The following ATP10A variants were observed in gnomAD, a reference collection of about 807,000 sequenced individuals.
ATP10A encodes the protein phospholipid-transporting ATPase VA.
ATP10A carries 111 observed loss-of-function variants against 147.8 expected under a neutral mutation model. That is an observed-to-expected ratio of 0.75 (90% CI 0.64 to 0.88). The LOEUF is 0.88. ATP10A is among the 40% of genes least tolerant of loss of function. ATP10A has a pLI of 0.00. For missense variants in ATP10A, 1,927 were observed against 1,959.0 expected, an observed-to-expected ratio of 0.98 and a Z score of 0.31; for synonymous variants, 875 against 841.6, an observed-to-expected ratio of 1.04 and a Z score of -0.69.
At chr15:25,720,415 C>T (rs537013227) in intron 7 of ATP10A, among the ~76,000 whole-genome samples, 2 of 152,154 alleles carry the variant, frequency 1.3e-5, no homozygotes, top group African/African-American at 2.4e-5. Context: ...ACCTATTCCT[C>T]GTGTCTATCT....
At chr15:25,791,970 G>GT (rs1443402434) in intron 1 of ATP10A, among the ~76,000 whole-genome samples, 1 of 151,924 alleles carries the variant, frequency 6.6e-6, no homozygotes, top group Non-Finnish European at 1.5e-5. Context: ...TTGCTTGTTT[G>GT]TTTTTTGTGG....
At chr15:25,777,274 G>A (rs1288124139) in intron 2 of ATP10A, among the ~76,000 whole-genome samples, 2 of 152,100 alleles carry the variant, frequency 1.3e-5, no homozygotes, top group African/African-American at 2.4e-5. Flanking sequence ...CCTCTCAAAG[G>A]TGGGGCTCCA....
At chr15:25,704,787 G>T (rs1596717910) in intron 12 of ATP10A, among the ~76,000 whole-genome samples, 2 of 152,204 alleles carry the variant, frequency 1.3e-5, no homozygotes, top group East Asian at 3.8e-4. Flanking sequence ...GCTTTCCAAG[G>T]TACTTGTTTG....
At chr15:25,715,931 C>A in intron 9 of ATP10A, among the ~76,000 whole-genome samples, 1 of 152,174 alleles carries the variant, frequency 6.6e-6, no homozygotes. Context: ...CGCTTCCGTG[C>A]CCCCTACACT....
In ATP10A at chr15:25,683,480, C is replaced by T. The variant is rs1459837419; in HGVS notation, c.3298G>A (p.Val1100Met). 9.9e-6 allele frequency: 16 copies of T among 1,612,094 alleles called. No individual in the cohort carries two copies. Among genetic ancestry groups the T allele is most frequent in the South Asian group, 2.2e-5 (2 of 90,754 alleles). ...AACTGGAACCAAAACAGGAGGCCCA[C>T]GAACATCTGAAATCAAGAAAGGAAG... ...LYFFYKNTMF[V>M]GLLFWFQFFC... The change falls in exon 17 of 21, where the codon GTG (valine) becomes ATG (methionine). Residue 1100 changes from valine (V) to methionine (M), a missense_variant. By Grantham distance (21) the Val-to-Met change is conservative (BLOSUM62 1). Coordinates refer to ENST00000555815, the MANE Select transcript of ATP10A (RefSeq NM_024490.4).
chr15:25,705,439 GCAAAAAAAAAAAAA>G (rs747424348), intron 12 of ATP10A, among the ~76,000 whole-genome samples: 1 of 22,418 alleles, frequency 4.5e-5, no homozygotes, highest in Admixed American at 6.9e-4. Flanking sequence ...CTGTCTCAAA[GCAAAAAAAAAAAAA>G]CAAAAAAAAA....
At chr15:25,798,994 A>C (rs113541452) in intron 1 of ATP10A, among the ~76,000 whole-genome samples, 89 of 152,254 alleles carry the variant, frequency 5.8e-4, no homozygotes, top group African/African-American at 2.1e-3. Flanking sequence ...TTTAAAAAAC[A>C]AACCATAAGG....
chr15:25,838,728 G>A (rs1892687808), intron 1 of ATP10A, among the ~76,000 whole-genome samples: 1 of 152,328 alleles, frequency 6.6e-6, no homozygotes, highest in Middle Eastern at 3.4e-3. Context: ...GGCGCTTGAT[G>A]ATAATATCGC....
In ATP10A at chr15:25,691,764, A is replaced by G; in HGVS notation, c.3116T>C (p.Ile1039Thr). The G allele has an allele frequency of 6.2e-7, 1 of 1,614,184 alleles. No homozygotes were observed. The highest frequency in any genetic ancestry group is 8.5e-7 in the Non-Finnish European group (1 of 1,180,030). Reference sequence around the variant, plus strand: ...TCCCACACCCACATCTGCCACCTGGATCATGCTGACATCATTGGCTCCATC... The same window carrying G: ...TCCCACACCCACATCTGCCACCTGGGTCATGCTGACATCATTGGCTCCATC... ...IGDGANDVSM[I>T]QVADVGVGIS... Residue 1039 changes from isoleucine to threonine, a missense_variant, in exon 15 of 21, where the codon ATC becomes ACC. Ile to Thr is a moderately conservative substitution (Grantham distance 89, BLOSUM62 -1). Transcript: ENST00000555815.
chr15:25,737,440 T>C (rs1435446374), intron 2 of ATP10A, among the ~76,000 whole-genome samples: 1 of 152,196 alleles, frequency 6.6e-6, no homozygotes, highest in Non-Finnish European at 1.5e-5. Context: ...TCTTTCTCTC[T>C]AAGAAAAATG....
Position 25,691,723 on chromosome 15 carries a change from C to T in ATP10A, c.3157G>A (p.Gly1053Ser). The change falls in exon 15 of 21, where the codon GGT (glycine) becomes AGT (serine). Residue 1053 changes from glycine (G) to serine (S), a missense_variant. Gly to Ser is a moderately conservative substitution (Grantham distance 56, BLOSUM62 0). Transcript: ENST00000555815. Reference sequence around the variant, plus strand: ...GCCTGATTGGTCTTTACCTGCATACCCTCCTGGCCGGAGATTCCCACACCC... The same window carrying T: ...GCCTGATTGGTCTTTACCTGCATACTCTCCTGGCCGGAGATTCCCACACCC... ...DVGVGISGQE[G>S]MQAVMASDFA... 1 of 1,614,156 alleles carries T rather than the reference C, an allele frequency of 6.2e-7. No homozygotes were observed. The highest frequency in any genetic ancestry group is 1.6e-4 in the Middle Eastern group (1 of 6,062).
chr15:25,759,630 T>C (rs1888644821), intron 2 of ATP10A, among the ~76,000 whole-genome samples: 1 of 151,856 alleles, frequency 6.6e-6, no homozygotes, highest in Non-Finnish European at 1.5e-5. Flanking sequence ...ATATGGTGAG[T>C]TCCTATGTCT....
At chr15:25,864,667 G>C (rs1408912266), upstream of ATP10A, among the ~76,000 whole-genome samples, 1 of 152,206 alleles carries the variant, frequency 6.6e-6, no homozygotes, top group Non-Finnish European at 1.5e-5. Flanking sequence ...TTGACATGTA[G>C]AGGCCCAGAT....
At chr15:25,705,454 C>CAAAAAAAAAA (rs367718474) in intron 12 of ATP10A, among the ~76,000 whole-genome samples, 1 of 82,000 alleles carries the variant, frequency 1.2e-5, no homozygotes. Context: ...AAAAAAAAAA[C>CAAAAAAAAAA]AAAAAAAAAA....
intron 2 of ATP10A, among the ~76,000 whole-genome samples, chr15:25,737,791 G>A (rs1887369272): frequency 6.6e-6 from 1 of 152,142 alleles, no homozygotes; most frequent in African/African-American, 2.4e-5. Context: ...GGTCATCAGG[G>A]TGGACCCTAA....
intron 11 of ATP10A, 36 bp downstream of exon 11, chr15:25,708,161 C>T (rs1329695342): frequency 6.2e-7 from 1 of 1,613,708 alleles, no homozygotes; most frequent in Non-Finnish European, 8.5e-7. Context: ...GGGCGGCCAC[C>T]TGCACGTGCA....
In ATP10A at chr15:25,687,659, G is replaced by A. The variant is rs765827524; in HGVS notation, c.3291+44C>T. The A allele has an allele frequency of 1.8e-5, 24 of 1,350,378 alleles. No homozygotes were observed. The African/African-American group carries it at 2.8e-4, about 16-fold the overall frequency. 83.6% of individuals were successfully genotyped at this position (1,350,378 alleles called of 1,614,324 possible). ...CATTCAGGCGATGGTCCTAAGAACC[G>A]AACCTTCCAATCCCAAAACTCTAGA... On this transcript the variant is annotated intron_variant, in intron 16 of 20. Coordinates refer to ENST00000555815, the MANE Select transcript of ATP10A (RefSeq NM_024490.4).
At chr15:25,693,356 G>A (rs1029808718) in intron 14 of ATP10A, among the ~76,000 whole-genome samples, 1 of 152,090 alleles carries the variant, frequency 6.6e-6, no homozygotes, top group African/African-American at 2.4e-5. Flanking sequence ...TTACTTTCCC[G>A]TTTTCTTTTG....
rs893390112 is a variant in ATP10A, at chr15:25,725,975, A to C, written c.955T>G (p.Cys319Gly). 1 of 1,613,802 alleles carries C rather than the reference A, an allele frequency of 6.2e-7. No homozygotes were observed. Among genetic ancestry groups the C allele is most frequent in the Non-Finnish European group, 8.5e-7 (1 of 1,179,806 alleles). ...DVLWCVLLLV[C>G]MSLFSAVGHG... Reference sequence around the variant, plus strand: ...CCGACTGCTGAAAACAGAGACATGCAAACAAGGAGCAGGACACACCAGAGC... The same window carrying C: ...CCGACTGCTGAAAACAGAGACATGCCAACAAGGAGCAGGACACACCAGAGC... The change falls in exon 5 of 21, where the codon TGC (cysteine) becomes GGC (glycine). Residue 319 changes from cysteine to glycine, a missense_variant. Cys to Gly is a radical substitution (Grantham distance 159). Transcript: ENST00000555815.
Sources: gnomAD v4.1 joint callset for allele counts (sites outside exome capture counted in the v4.1 genomes callset) on GRCh38, gnomAD v4.1.1 for gene constraint, MANE v1.5 for transcripts, NCBI Gene and HGNC (gene_info 2026-07-23, HGNC 2026-07-21) for gene names.